EMB: variants seen among roughly 807,000 people sequenced by gnomAD.
EMB encodes the protein embigin.
In EMB, 31 loss-of-function variants were observed where a neutral mutation model predicts 41.4. The observed-to-expected ratio is 0.75, with a 90% CI of 0.56 to 1.01. The LOEUF (loss-of-function observed/expected upper bound fraction) is 1.01. EMB is among the 50% of genes least tolerant of loss of function. EMB has a pLI of 0.00. For missense variants in EMB, 379 were observed against 388.3 expected, an observed-to-expected ratio of 0.98 and a Z score of 0.20; for synonymous variants, 137 against 140.4, an observed-to-expected ratio of 0.98 and a Z score of 0.17.
At chr5:50,414,589 C>T (rs1314703893) in intron 2 of EMB, among the ~76,000 whole-genome samples, 4 of 140,010 alleles carry the variant, frequency 2.9e-5, no homozygotes, top group Non-Finnish European at 6.2e-5. Context: ...TGAAACTTTA[C>T]GAAATGCTTC....
intron 2 of EMB, among the ~76,000 whole-genome samples, chr5:50,413,840 A>T (rs1010923750): frequency 3.3e-5 from 5 of 152,120 alleles, no homozygotes; most frequent in Non-Finnish European, 7.3e-5. Context: ...GGACTCCCAA[A>T]GTGATGAGCC....
intron 7 of EMB, among the ~76,000 whole-genome samples, chr5:50,401,347 C>G (rs567911249): frequency 6.6e-6 from 1 of 152,012 alleles, no homozygotes; most frequent in African/African-American, 2.4e-5. Context: ...ACTGTCTGCT[C>G]CACTCCTGCT....
At chr5:50,438,675 A>G (rs981234568) in intron 1 of EMB, among the ~76,000 whole-genome samples, 1 of 152,172 alleles carries the variant, frequency 6.6e-6, no homozygotes, top group Non-Finnish European at 1.5e-5. Context: ...AATTTCCCAG[A>G]GATCAATACC....
At position 50,407,873 on chromosome 5, in the gene EMB, C is replaced by T. The variant is rs575936582; in HGVS notation, c.473-2021G>A. On this transcript the variant is annotated intron_variant, in intron 4 of 8. Coordinates refer to ENST00000303221, the MANE Select transcript of EMB (RefSeq NM_198449.3). The stretch of plus-strand genomic sequence containing the variant: ...TCTAGGAAGATGGGGTTTGGATATA[C>T]CCAGTGAAAGTAACAGCTCTCTGGA... 4.6e-5 allele frequency among the ~76,000 whole-genome samples: 7 copies of T among 151,966 alleles called. No homozygotes were observed. The South Asian group carries it at 1.5e-3, about 32-fold the overall frequency.
At chr5:50,407,476 G>A (rs1745267210) in intron 4 of EMB, among the ~76,000 whole-genome samples, 1 of 152,006 alleles carries the variant, frequency 6.6e-6, no homozygotes, top group African/African-American at 2.4e-5. Context: ...ATGACTGAGT[G>A]ACAACATGGA....
chr5:50,407,584 C>T (rs956917703), intron 4 of EMB, among the ~76,000 whole-genome samples: 1 of 151,962 alleles, frequency 6.6e-6, no homozygotes, highest in African/African-American at 2.4e-5. Context: ...TGCTTTTGTT[C>T]TGCTATATAT....
At chr5:50,440,983 G>T (rs1561143615) in intron 1 of EMB, 57 bp downstream of exon 1, 4 of 1,213,684 alleles carry the variant, frequency 3.3e-6, no homozygotes, top group African/African-American at 1.6e-5. Flanking sequence ...TGCCCGCGGG[G>T]ACCCGAGCCT....
chr5:50,430,789 T>C (rs1745708734), intron 1 of EMB, among the ~76,000 whole-genome samples: 1 of 151,944 alleles, frequency 6.6e-6, no homozygotes, highest in African/African-American at 2.4e-5. Context: ...GGAAGAAGGG[T>C]GAAGATAATT....
intron 2 of EMB, among the ~76,000 whole-genome samples, chr5:50,422,642 G>T (rs1407148594): frequency 6.6e-6 from 1 of 152,010 alleles, no homozygotes; most frequent in African/African-American, 2.4e-5. Context: ...AAAAGTGAAA[G>T]GTGGAAAAGT....
rs1345750245 is a variant in EMB, at chr5:50,441,043, G to A, written c.109C>T (p.Pro37Ser). 3.3e-5 allele frequency: 49 copies of A among 1,505,664 alleles called. 3 individuals are homozygous for A. In the African/African-American group the frequency reaches 3.6e-4, roughly 11 times the overall value. The allele number at this position is 1,505,664 out of a possible 1,614,324, so 93.3% of individuals were successfully genotyped here. A position where few individuals can be genotyped will look rare whatever the true frequency, so the allele number is the denominator to read the frequency against. Residue 37 changes from proline to serine, a missense_variant, in exon 1 of 9, where the codon CCA becomes TCA. Pro to Ser is a moderately conservative substitution (Grantham distance 74). Coordinates refer to ENST00000303221, the MANE Select transcript of EMB (RefSeq NM_198449.3). Reference sequence around the variant, plus strand: ...CTGGACCCTGTACCCATCACACCTGGGGCACTGCCGTCCGCCGAGCTTGGG... The same window carrying A: ...CTGGACCCTGTACCCATCACACCTGAGGCACTGCCGTCCGCCGAGCTTGGG... Reference protein sequence around the residue: ...ARPSSADGSAPDSPFTSPPLR... With the variant: ...ARPSSADGSASDSPFTSPPLR...
rs781683671 is a variant in EMB at position 50,399,238 on chromosome 5, T to A, written c.*35A>T. On this transcript the variant is annotated 3_prime_UTR_variant, in exon 9 of 9. Coordinates refer to ENST00000303221, the MANE Select transcript of EMB (RefSeq NM_198449.3). ...ACAAAGCTGAAATACGAACTCTGTA[T>A]ATCTTCCAATGATTCTCGACATGAT... The A allele has an allele frequency of 7.5e-6, 12 of 1,607,006 alleles. No homozygotes were observed. Among genetic ancestry groups the A allele is most frequent in the Non-Finnish European group, 1.0e-5 (12 of 1,176,322 alleles).
In EMB at chr5:50,411,206, G is replaced by A. The variant is rs1745330998; in HGVS notation, c.374C>T (p.Thr125Ile). The A allele has an allele frequency of 1.2e-6, 2 of 1,610,436 alleles. No individual in the cohort carries two copies. The highest frequency in any genetic ancestry group is 1.7e-6 in the Non-Finnish European group (2 of 1,178,060). The stretch of plus-strand genomic sequence containing the variant: ...AAATTTGTATACTCACCTGTATTGG[G>A]TATACAAGGTGCTTCCTGTTGCACT... ...LVSATGSTLY[T>I]QYRFTIINSK... The change falls in exon 3 of 9, where the codon ACC becomes ATC. Residue 125 changes from threonine to isoleucine, a missense_variant. Transcript: ENST00000303221.
At chr5:50,439,899 T>A (rs1579748509) in intron 1 of EMB, among the ~76,000 whole-genome samples, 1 of 152,136 alleles carries the variant, frequency 6.6e-6, no homozygotes, top group Admixed American at 6.6e-5. Flanking sequence ...TGAGAGGTGG[T>A]CTTTTATTAC....
chr5:50,439,973 T>C (rs188579826), intron 1 of EMB, among the ~76,000 whole-genome samples: 33 of 152,268 alleles, frequency 2.2e-4, no homozygotes, highest in Admixed American at 1.2e-3. Context: ...ATCCTTTCAA[T>C]ATGAAAAGTA....
chr5:50,410,387 T>A (rs1424517349), intron 4 of EMB, among the ~76,000 whole-genome samples: 1 of 152,162 alleles, frequency 6.6e-6, no homozygotes, highest in Admixed American at 6.6e-5. Context: ...GTGGCTTGTA[T>A]ATATCTTTAA....
chr5:50,434,142 A>C (rs180689451), intron 1 of EMB, among the ~76,000 whole-genome samples: 153 of 152,328 alleles, frequency 1.0e-3, no homozygotes, highest in Non-Finnish European at 1.4e-3. Flanking sequence ...TCAGGGATTA[A>C]ACATATCTTT....
rs1554025154 is a variant in EMB at position 50,425,735 on chromosome 5, T to TTGATCTGTCACCCAGGCTGGAG, written c.196+2408_196+2409insCTCCAGCCTGGGTGACAGATCA. 2.2e-5 allele frequency among the ~76,000 whole-genome samples: 3 copies of TTGATCTGTCACCCAGGCTGGAG among 137,478 alleles called. 1 individual carries two copies. The highest frequency in any genetic ancestry group is 9.0e-5 in the African/African-American group (3 of 33,500). 90.2% of individuals were successfully genotyped at this position (137,478 alleles called of 152,430 possible). A position where few individuals can be genotyped will look rare whatever the true frequency, so the allele number is the denominator to read the frequency against. On this transcript the variant is annotated intron_variant, in intron 2 of 8. Transcript: ENST00000303221. ...CTGGGGGGGCAGGGGAGATGGACTC[T>TTGATCTGTCACCCAGGCTGGAG]TGCAGTGGCACAATCTCGGCTCGCT...
intron 2 of EMB, among the ~76,000 whole-genome samples, chr5:50,425,629 G>C (rs1018960537): frequency 6.6e-6 from 1 of 151,966 alleles, no homozygotes; most frequent in Non-Finnish European, 1.5e-5. Context: ...AAACCTCTGA[G>C]AGCAGAAAAA....
chr5:50,415,802 A>C (rs1482686302), intron 2 of EMB, among the ~76,000 whole-genome samples: 1 of 152,210 alleles, frequency 6.6e-6, no homozygotes, highest in Non-Finnish European at 1.5e-5. Context: ...CATCACCTTC[A>C]AACTGTTGAA....
Sources: allele counts gnomAD v4.1 joint callset (sites outside exome capture counted in the v4.1 genomes callset), GRCh38; gene constraint gnomAD v4.1.1; transcripts MANE v1.5; gene names NCBI Gene and HGNC (gene_info 2026-07-23, HGNC 2026-07-21).